The following PALM2AKAP2 variants were observed in gnomAD, a reference collection of about 807,000 sequenced individuals.
PALM2AKAP2 encodes PALM2-AKAP2 fusion protein.
A neutral mutation model predicts 71.5 loss-of-function variants in PALM2AKAP2; 37 were observed. The ratio of observed to expected loss-of-function variants is 0.52; its 90% CI spans 0.40 to 0.68. The LOEUF (loss-of-function observed/expected upper bound fraction) is 0.68. Ranked by LOEUF, PALM2AKAP2 falls within the 30% of genes least tolerant of loss-of-function variation. The probability of loss-of-function intolerance (pLI) is 0.00; values close to 1 mark genes in which losing one functional copy is unlikely to be tolerated. For missense variants in PALM2AKAP2, 1,224 were observed against 1,191.8 expected, an observed-to-expected ratio of 1.03 and a Z score of -0.40; for synonymous variants, 468 against 478.8, an observed-to-expected ratio of 0.98 and a Z score of 0.29.
chr9:109,694,823 ACAATGAAAAAGT>A (rs1434620255), intron 1 of PALM2AKAP2, among the ~76,000 whole-genome samples: 1 of 152,088 alleles, frequency 6.6e-6, no homozygotes, highest in Non-Finnish European at 1.5e-5. Flanking sequence ...TCAGACTTAG[ACAATGAAAAAGT>A]CAATGAAAAA....
In PALM2AKAP2 at chr9:109,689,464, T is replaced by A. The variant is rs146864511; in HGVS notation, c.5+48598T>A. Among the ~76,000 whole-genome samples the A allele has an allele frequency of 1.2e-3, 179 of 152,298 alleles. 1 individual carries two copies. Among genetic ancestry groups the A allele is most frequent in the African/African-American group, 4.0e-3 (168 of 41,572 alleles). ...ATCCACCCGCCTCGGCCACCCAAAG[T>A]GCTGGGATTACAGGCGTGAGCCACT... On this transcript the variant is annotated intron_variant, in intron 1 of 6. Transcript: ENST00000374531.
rs74320939 is a variant in PALM2AKAP2 at position 109,993,947 on chromosome 9, C to A, written c.497-22007C>A. The stretch of plus-strand genomic sequence containing the variant: ...GCAGCTCAGCCTCTCTCTTTTTTCT[C>A]CTTTCTTTTTCCTCCTGCCTCTCCA... On this transcript the variant is annotated intron_variant, in intron 6 of 9. Coordinates refer to the PALM2AKAP2 transcript ENST00000302798. Among the ~76,000 whole-genome samples, 149 of 152,098 alleles carry A rather than the reference C, an allele frequency of 9.8e-4. 2 individuals are homozygous for A. The East Asian group carries it at 0.016, about 16-fold the overall frequency.
intron 1 of PALM2AKAP2, among the ~76,000 whole-genome samples, chr9:109,794,024 C>T (rs1210912596): frequency 6.6e-6 from 1 of 152,198 alleles, no homozygotes; most frequent in Non-Finnish European, 1.5e-5. Flanking sequence ...TGGCGTATTT[C>T]AATGGCTGTA....
At chr9:109,816,412 T>C (rs781603739) in intron 1 of PALM2AKAP2, among the ~76,000 whole-genome samples, 1 of 152,000 alleles carries the variant, frequency 6.6e-6, no homozygotes, top group East Asian at 1.9e-4. Flanking sequence ...AGCTGGAGAT[T>C]AGAAGATTTG....
chr9:109,867,164 C>CTCTGTGTGCGTGTG, intron 1 of PALM2AKAP2: 1 of 398,126 alleles, frequency 2.5e-6, no homozygotes, highest in Non-Finnish European at 5.0e-6. Flanking sequence ...ACATGGTTCT[C>CTCTGTGTGCGTGTG]TGTGTGTGTG....
intron 7 of PALM2AKAP2, 104 bp downstream of exon 7, chr9:110,016,143 G>A: frequency 3.6e-6 from 4 of 1,117,200 alleles, no homozygotes; most frequent in Non-Finnish European, 5.3e-6. Flanking sequence ...AATCCACCTT[G>A]CTAGAGTTCT....
At chr9:109,968,760 C>T (rs1402380837) in intron 6 of PALM2AKAP2, among the ~76,000 whole-genome samples, 1 of 152,156 alleles carries the variant, frequency 6.6e-6, no homozygotes, top group African/African-American at 2.4e-5. Context: ...ATTTTCAGGG[C>T]AGCTACATTT....
chr9:109,906,477 G>A (rs1249695309), intron 3 of PALM2AKAP2, among the ~76,000 whole-genome samples: 1 of 152,212 alleles, frequency 6.6e-6, no homozygotes, highest in Non-Finnish European at 1.5e-5. Flanking sequence ...GAGATTACAG[G>A]CATGAGCCAC....
intron 1 of PALM2AKAP2, among the ~76,000 whole-genome samples, chr9:109,757,744 A>C (rs1456534708): frequency 6.6e-6 from 1 of 152,042 alleles, no homozygotes; most frequent in African/African-American, 2.4e-5. Context: ...TTTACAGCAA[A>C]ACATGCCAAG....
chr9:110,012,388 C>T (rs950864262), intron 6 of PALM2AKAP2, among the ~76,000 whole-genome samples: 1 of 152,166 alleles, frequency 6.6e-6, no homozygotes, highest in Non-Finnish European at 1.5e-5. Context: ...CTTTCAATTT[C>T]TTTCCCTCTT....
intron 1 of PALM2AKAP2, among the ~76,000 whole-genome samples, chr9:110,087,503 C>T (rs1401386442): frequency 6.6e-6 from 1 of 152,158 alleles, no homozygotes; most frequent in Non-Finnish European, 1.5e-5. Flanking sequence ...AAGACCATGG[C>T]CTCTAAGGTT....
At chr9:110,059,917 T>C (rs935486572) in intron 1 of PALM2AKAP2, among the ~76,000 whole-genome samples, 10 of 152,212 alleles carry the variant, frequency 6.6e-5, no homozygotes, top group African/African-American at 2.2e-4. Flanking sequence ...TTTAGTACAG[T>C]AATTGTCTTG....
chr9:110,162,109 CTGTCTTGCAAGG>C (rs1448489177), intron 3 of PALM2AKAP2: 1 of 1,614,028 alleles, frequency 6.2e-7, no homozygotes, highest in Non-Finnish European at 8.5e-7. Context: ...TTCTAAGTTA[CTGTCTTGCAAGG>C]TGACTTCCGA....
chr9:110,023,541 C>T (rs868120733), intron 7 of PALM2AKAP2, among the ~76,000 whole-genome samples: 78 of 151,776 alleles, frequency 5.1e-4, no homozygotes, highest in African/African-American at 1.7e-3. Context: ...CTTGAACTCA[C>T]CACCTCAAAT....
intron 1 of PALM2AKAP2, among the ~76,000 whole-genome samples, chr9:109,749,088 C>T (rs1358025768): frequency 1.3e-5 from 2 of 152,130 alleles, no homozygotes; most frequent in African/African-American, 2.4e-5. Context: ...ATCAGATGTG[C>T]TCTCCCTTAG....
In PALM2AKAP2 at chr9:109,839,602, G is replaced by A. The variant is rs191813145; in HGVS notation, c.46-27889G>A. Among the ~76,000 whole-genome samples the A allele has an allele frequency of 2.7e-3, 412 of 152,334 alleles. 1 individual carries two copies. The highest frequency in any genetic ancestry group is 9.2e-3 in the African/African-American group (382 of 41,582). On this transcript the variant is annotated intron_variant, in intron 1 of 9. Transcript: ENST00000302798. ...GAAAAGAGGAAGTCAAATTGTCCCTGTTTGCAGATGACATGATTGTACATT... is the reference window on the plus strand; with the variant it reads ...GAAAAGAGGAAGTCAAATTGTCCCTATTTGCAGATGACATGATTGTACATT...
intron 1 of PALM2AKAP2, among the ~76,000 whole-genome samples, chr9:109,767,455 G>A (rs1331674839): frequency 1.3e-5 from 2 of 152,206 alleles, no homozygotes; most frequent in African/African-American, 4.8e-5. Context: ...CATTTTGCAG[G>A]TCTCTCACAT....
chr9:110,118,908 C>T (rs571201672), intron 1 of PALM2AKAP2, among the ~76,000 whole-genome samples: 2 of 152,250 alleles, frequency 1.3e-5, no homozygotes, highest in South Asian at 2.1e-4. Context: ...TATTCATATT[C>T]ATGTTTGTTA....
At chr9:109,831,726 C>T (rs1311014992) in intron 1 of PALM2AKAP2, among the ~76,000 whole-genome samples, 1 of 152,154 alleles carries the variant, frequency 6.6e-6, no homozygotes. Context: ...GTAGAAAATA[C>T]TAAACTTTAC....
Sources: gnomAD v4.1 joint callset for allele counts (sites outside exome capture counted in the v4.1 genomes callset) on GRCh38, gnomAD v4.1.1 for gene constraint, MANE v1.5 for transcripts, NCBI Gene and HGNC (gene_info 2026-07-23, HGNC 2026-07-21) for gene names.